Variants in DGKB observed in about 807,000 individuals in gnomAD.
The protein encoded by DGKB is 90 kDa diacylglycerol kinase.
DGKB carries 67 observed loss-of-function variants against 114.3 expected under a neutral mutation model. The ratio of observed to expected loss-of-function variants is 0.59; its 90% CI spans 0.48 to 0.72. The LOEUF (loss-of-function observed/expected upper bound fraction) is 0.72, where lower values mean the gene tolerates loss of function less well. Ranked by LOEUF, DGKB falls within the 30% of genes least tolerant of loss-of-function variation. The pLI, the probability that DGKB is intolerant of heterozygous loss-of-function variation, is 0.00. For missense variants in DGKB, 907 were observed against 975.2 expected (o/e 0.93, Z 0.93); for synonymous variants, 398 against 323.1 (o/e 1.23, Z -2.49).
At chr7:14,857,102 C>A (rs747167056) in intron 1 of DGKB, among the ~76,000 whole-genome samples, 1 of 151,818 alleles carries the variant, frequency 6.6e-6, no homozygotes, top group African/African-American at 2.4e-5. Context: ...TTAAGTTCAT[C>A]GAAAGAAGCT....
intron 21 of DGKB, among the ~76,000 whole-genome samples, chr7:14,388,711 G>C (rs1820833722): frequency 6.6e-6 from 1 of 152,090 alleles, no homozygotes; most frequent in Non-Finnish European, 1.5e-5. Flanking sequence ...TGATAATAGA[G>C]TTTTAAAAAT....
At chr7:14,610,256 A>G (rs1805285954) in intron 16 of DGKB, among the ~76,000 whole-genome samples, 1 of 152,064 alleles carries the variant, frequency 6.6e-6, no homozygotes, top group African/African-American at 2.4e-5. Flanking sequence ...TTTCCCTAAG[A>G]GAATTAACAC....
intron 7 of DGKB, among the ~76,000 whole-genome samples, chr7:14,699,140 T>A (rs1048556029): frequency 1.4e-5 from 2 of 146,540 alleles, no homozygotes; most frequent in African/African-American, 5.1e-5. Flanking sequence ...AAAAAAAAAA[T>A]ATAATTATGA....
rs1377912050 is a variant in DGKB at position 14,736,122 on chromosome 7, C to T, written c.241G>A (p.Ala81Thr). 4 of 1,608,720 alleles carry T rather than the reference C, an allele frequency of 2.5e-6. No individual in the cohort carries two copies. The highest frequency in any genetic ancestry group is 1.7e-5 in the Admixed American group (1 of 59,778). The stretch of plus-strand genomic sequence containing the variant: ...TTGCTAAATGACATGAAAAGGTGTG[C>T]AGTGAAATCATCAGGAAGCTCGGCT... ...LEAELPDDFTAHLFMSFSNKF... is the reference protein window; with the variant it reads ...LEAELPDDFTTHLFMSFSNKF... Residue 81 changes from alanine to threonine, a missense_variant, in exon 5 of 26, where the codon GCA becomes ACA. This residue lies in a region of DGKB where 814 missense variants were observed against 856.6 expected (regional missense o/e 0.95). Coordinates refer to ENST00000402815, the MANE Select transcript of DGKB (RefSeq NM_001350709.2).
At chr7:14,970,220 G>A (rs371697408) in intron 1 of DGKB, among the ~76,000 whole-genome samples, 4 of 152,164 alleles carry the variant, frequency 2.6e-5, no homozygotes, top group Admixed American at 6.5e-5. Context: ...TGATAATGAC[G>A]ATGATGATGA....
rs200709292 is a variant in DGKB, at chr7:14,807,354, TAAAG to T, written c.70+33836_70+33839del. On this transcript the variant is annotated intron_variant, in intron 2 of 25. Coordinates refer to ENST00000402815, the MANE Select transcript of DGKB (RefSeq NM_001350709.2). ...ATGACCAACTTAAATTTTTAATAAA[TAAAG>T]AATGAATAAATACACAAATTTCCAT... Among the ~76,000 whole-genome samples, 1,260 of 150,436 alleles carry T rather than the reference TAAAG, an allele frequency of 8.4e-3. 21 individuals carry two copies. Among genetic ancestry groups the T allele is most frequent in the Middle Eastern group, 0.075 (22 of 292 alleles).
At chr7:14,928,353 C>T (rs943041044) in intron 1 of DGKB, among the ~76,000 whole-genome samples, 3 of 151,938 alleles carry the variant, frequency 2.0e-5, no homozygotes, top group Admixed American at 2.0e-4. Context: ...AAAATTTTCT[C>T]AGAATTTCAC....
At chr7:14,218,962 C>T (rs1789475125) in intron 23 of DGKB, among the ~76,000 whole-genome samples, 1 of 151,888 alleles carries the variant, frequency 6.6e-6, no homozygotes, top group African/African-American at 2.4e-5. Flanking sequence ...AACTAATGAT[C>T]TACTTTCTGC....
chr7:14,459,239 G>A (rs1348683060), intron 21 of DGKB, among the ~76,000 whole-genome samples: 1 of 152,144 alleles, frequency 6.6e-6, no homozygotes, highest in African/African-American at 2.4e-5. Context: ...TCTCCCTGGA[G>A]CAGAGCACCC....
intron 23 of DGKB, among the ~76,000 whole-genome samples, chr7:14,202,475 C>T (rs752270653): frequency 3.3e-5 from 5 of 151,928 alleles, no homozygotes; most frequent in Admixed American, 6.6e-5. Flanking sequence ...ACTCCTTTGC[C>T]GTGACTAACT....
In DGKB at chr7:14,263,606, G is replaced by T. The variant is rs1797080182; in HGVS notation, c.2122+74909C>A. The stretch of plus-strand genomic sequence containing the variant: ...TTTTCCAAAAATCTCCCTAATTTAT[G>T]GTGGCCACCTTCAGAAGAGCAACAT... On this transcript the variant is annotated intron_variant, in intron 23 of 25. Coordinates refer to ENST00000402815, the MANE Select transcript of DGKB (RefSeq NM_001350709.2). Among the ~76,000 whole-genome samples, 3 of 152,160 alleles carry T rather than the reference G, an allele frequency of 2.0e-5. 1 individual carries two copies. In the South Asian group the frequency reaches 6.2e-4, roughly 32 times the overall value.
intron 16 of DGKB, among the ~76,000 whole-genome samples, chr7:14,608,645 T>C (rs1054924526): frequency 6.6e-6 from 1 of 151,974 alleles, no homozygotes; most frequent in African/African-American, 2.4e-5. Flanking sequence ...TCAAGCTCTC[T>C]CTCTTCATTG....
At chr7:14,548,522 G>C (rs1223763029) in intron 20 of DGKB, among the ~76,000 whole-genome samples, 1 of 152,136 alleles carries the variant, frequency 6.6e-6, no homozygotes, top group African/African-American at 2.4e-5. Flanking sequence ...GGAAATTGGA[G>C]GAAGGAGATG....
intron 2 of DGKB, among the ~76,000 whole-genome samples, chr7:14,818,348 C>G (rs1244523186): frequency 6.6e-6 from 1 of 152,178 alleles, no homozygotes; most frequent in Non-Finnish European, 1.5e-5. Context: ...TCTGCCTCCT[C>G]TAATGCACAC....
intron 13 of DGKB, among the ~76,000 whole-genome samples, chr7:14,646,590 G>A (rs778728433): frequency 6.6e-6 from 1 of 152,002 alleles, no homozygotes; most frequent in East Asian, 1.9e-4. Flanking sequence ...TGTATCTTAG[G>A]CCTCAATATA....
upstream of DGKB, among the ~76,000 whole-genome samples, chr7:14,904,974 T>C (rs924556327): frequency 6.6e-6 from 1 of 152,302 alleles, no homozygotes; most frequent in South Asian, 2.1e-4. Flanking sequence ...CATCCCTTAC[T>C]ATAACTAGCA....
At chr7:14,634,016 G>C (rs1239844137) in intron 13 of DGKB, among the ~76,000 whole-genome samples, 1 of 151,388 alleles carries the variant, frequency 6.6e-6, no homozygotes, top group Non-Finnish European at 1.5e-5. Context: ...CTTTGGTGGA[G>C]ATTATTGGAG....
intron 13 of DGKB, among the ~76,000 whole-genome samples, chr7:14,635,295 C>A: frequency 1.2e-5 from 1 of 86,222 alleles, no homozygotes; most frequent in Admixed American, 9.4e-5. Flanking sequence ...AGGCTATTGA[C>A]AAGAAGGGAA....
intron 23 of DGKB, among the ~76,000 whole-genome samples, chr7:14,178,410 CAA>C (rs56812836): frequency 0.013 from 1,551 of 121,784 alleles, 21 homozygotes; most frequent in African/African-American, 0.03. Context: ...CAAATAATAC[CAA>C]AAAAAAAAAA....
Sources: gnomAD v4.1 joint callset for allele counts (sites outside exome capture counted in the v4.1 genomes callset) on GRCh38, gnomAD v4.1.1 for gene constraint, gnomAD v4.1.1 regional missense constraint, MANE v1.5 for transcripts, NCBI Gene and HGNC (gene_info 2026-07-23, HGNC 2026-07-21) for gene names.